Variants in CNTRL observed in about 807,000 individuals in gnomAD.
CNTRL encodes centriolin, also known as 110 kDa centrosomal protein.
CNTRL carries 233 observed loss-of-function variants against 303.7 expected under a neutral mutation model. The ratio of observed to expected loss-of-function variants is 0.77; its 90% CI spans 0.69 to 0.86. The LOEUF (loss-of-function observed/expected upper bound fraction) is 0.86, where lower values mean the gene tolerates loss of function less well. Ranked by LOEUF, CNTRL falls within the 40% of genes least tolerant of loss-of-function variation. The pLI, the probability that CNTRL is intolerant of heterozygous loss-of-function variation, is 0.00. For missense variants in CNTRL, 2,524 were observed against 2,650.6 expected, an observed-to-expected ratio of 0.95 and a Z score of 1.05; for synonymous variants, 900 against 922.2, an observed-to-expected ratio of 0.98 and a Z score of 0.44.
At chr9:121,095,588 C>T (rs142631799) in intron 5 of CNTRL, among the ~76,000 whole-genome samples, 21 of 152,206 alleles carry the variant, frequency 1.4e-4, no homozygotes, top group African/African-American at 4.8e-4. Context: ...TATCTGCATG[C>T]TTTTCCCCCA....
intron 1 of CNTRL, among the ~76,000 whole-genome samples, chr9:121,076,584 GA>G (rs1326402862): frequency 6.6e-6 from 1 of 152,088 alleles, no homozygotes; most frequent in Non-Finnish European, 1.5e-5. Context: ...GATGGATAGA[GA>G]AATGTTGAGT....
At chr9:121,082,233 C>T (rs907514635) in intron 2 of CNTRL, among the ~76,000 whole-genome samples, 8 of 152,164 alleles carry the variant, frequency 5.3e-5, no homozygotes, top group African/African-American at 1.9e-4. Context: ...AAGTGAGGTA[C>T]AGAAATAGCT....
At chr9:121,138,948 A>G (rs1390381655) in intron 16 of CNTRL, among the ~76,000 whole-genome samples, 1 of 152,222 alleles carries the variant, frequency 6.6e-6, no homozygotes, top group African/African-American at 2.4e-5. Flanking sequence ...GTGTAAACTC[A>G]TGGGCAAAAG....
At position 121,114,351 on chromosome 9, in the gene CNTRL, CA is replaced by C. The variant is rs1429656710; in HGVS notation, c.1345+628del. Among the ~76,000 whole-genome samples the C allele has an allele frequency of 3.9e-5, 6 of 152,308 alleles. No homozygotes were observed. In the East Asian group the frequency reaches 1.2e-3, roughly 29 times the overall value. ...TCTGACCAGGGTTTGTGCATCCCCC[CA>C]GCATTATGGCCCACTGTGGTGCTCT... On this transcript the variant is annotated intron_variant, in intron 10 of 43. Transcript: ENST00000373855.
Position 121,112,510 on chromosome 9 carries a change from C to G in CNTRL, c.1054C>G (p.Leu352Val). The G allele has an allele frequency of 1.2e-6, 2 of 1,612,556 alleles. No homozygotes were observed. Among genetic ancestry groups the G allele is most frequent in the Non-Finnish European group, 1.7e-6 (2 of 1,178,820 alleles). The change falls in exon 9 of 44, where the codon CTG becomes GTG. Residue 352 changes from leucine (L) to valine (V), a missense_variant. Physicochemically the swap from Leu to Val is conservative, Grantham distance 32 (BLOSUM62 1). Coordinates refer to ENST00000373855, the MANE Select transcript of CNTRL (RefSeq NM_007018.6). The part of the protein sequence containing the change: ...LTRACQKQYE[L>V]EQELAFYKID... Reference sequence around the variant, plus strand: ...ACGAGCATGTCAGAAGCAATATGAGCTGGAACAGGAATTGGCCTTTTATAA... The same window carrying G: ...ACGAGCATGTCAGAAGCAATATGAGGTGGAACAGGAATTGGCCTTTTATAA...
chr9:121,171,369 G>A (rs531852389), intron 39 of CNTRL, 39 bp from the exon 40 acceptor site: 2 of 1,612,280 alleles, frequency 1.2e-6, no homozygotes, highest in South Asian at 2.2e-5. Context: ...ACACCTCCAT[G>A]TGTTAGATCG....
In CNTRL at chr9:121,154,812, G is replaced by A; in HGVS notation, c.4264G>A (p.Glu1422Lys). 1 of 1,613,454 alleles carries A rather than the reference G, an allele frequency of 6.2e-7. No homozygotes were observed. The highest frequency in any genetic ancestry group is 2.2e-5 in the East Asian group (1 of 44,882). The part of the protein sequence containing the change: ...KHHEDIVDEI[E>K]CIEKTLLKRR... ...TCATGAAGATATTGTAGATGAAATT[G>A]AGTGCATTGAGAAGACTCTTCTGAA... Residue 1422 changes from glutamate to lysine, a missense_variant, in exon 27 of 44, where the codon GAG becomes AAG. Transcript: ENST00000373855.
At chr9:121,115,059 A>T (rs747425831) in intron 10 of CNTRL, 32 bp from the exon 11 acceptor site, 2 of 1,325,972 alleles carry the variant, frequency 1.5e-6, no homozygotes, top group East Asian at 4.8e-5. Context: ...TTCTTGTTTC[A>T]TATTATGTGA....
intron 26 of CNTRL, among the ~76,000 whole-genome samples, chr9:121,153,760 A>C (rs1588282938): frequency 6.6e-6 from 1 of 152,204 alleles, no homozygotes; most frequent in Non-Finnish European, 1.5e-5. Flanking sequence ...TTTAACCCAG[A>C]CTGGCCCAGA....
At chr9:121,088,585 C>A (rs1196598771) in intron 3 of CNTRL, 42 bp downstream of exon 3, 6 of 1,322,552 alleles carry the variant, frequency 4.5e-6, no homozygotes, top group Non-Finnish European at 6.4e-6. Context: ...CCACATACTT[C>A]AAGTAGAGAT....
chr9:121,114,945 T>C (rs2049910079), intron 10 of CNTRL, 146 bp from the exon 11 acceptor site: 1 of 531,632 alleles, frequency 1.9e-6, no homozygotes, highest in Non-Finnish European at 3.4e-6. Flanking sequence ...TCATAAGTAA[T>C]TACTTTAAAA....
chr9:121,141,589 G>A lies in CNTRL; in HGVS notation c.2691+1G>A, dbSNP rs1418228322. On this transcript the variant is annotated splice_donor_variant, in intron 18 of 43. Coordinates refer to ENST00000373855, the MANE Select transcript of CNTRL (RefSeq NM_007018.6). LOFTEE classifies it high-confidence loss of function. ...CTGTGAGAGAGCCCTGGAAGCAAGA[G>A]TAAGACAAGGGCAAGAGGCACCTGG... 2.5e-6 allele frequency: 4 copies of A among 1,613,634 alleles called. No individual in the cohort carries two copies. In the Admixed American group the frequency reaches 5.0e-5, roughly 20 times the overall value.
rs369218805 is a variant in CNTRL, at chr9:121,166,169, C to T, written c.5644C>T (p.Leu1882=). 1 of 1,610,540 alleles carries T rather than the reference C, an allele frequency of 6.2e-7. No individual in the cohort carries two copies. Among genetic ancestry groups the T allele is most frequent in the African/African-American group, 1.3e-5 (1 of 74,720 alleles). ...ELANVQDHLN[L]AKQDLLHTTK... is the part of the protein sequence containing the mutation. Reference sequence around the variant, plus strand: ...AGCTAATGTCCAAGACCATTTGAACCTAGCAAAACAGGTAAGGTTAACAAA... The same window carrying T: ...AGCTAATGTCCAAGACCATTTGAACTTAGCAAAACAGGTAAGGTTAACAAA... The change falls in exon 36 of 44, where the codon CTA becomes TTA. Residue 1882 remains leucine, a synonymous_variant. Transcript: ENST00000373855.
At position 121,175,233 on chromosome 9, in the gene CNTRL, C is replaced by CA. The variant is rs768811518; in HGVS notation, c.6954+10dup. On this transcript the variant is annotated intron_variant, in intron 43 of 43. Transcript: ENST00000373855. ...AACTTGGACAAAATCAGGTAAGCAG[C>CA]AGCTCTTTTTAAAAACAAAACAATA... is the stretch of plus-strand genomic sequence containing the variant. The CA allele has an allele frequency of 3.0e-5, 49 of 1,612,916 alleles. No individual in the cohort carries two copies. The highest frequency in any genetic ancestry group is 3.9e-5 in the Non-Finnish European group (46 of 1,179,118).
rs762568455 is a variant in CNTRL at position 121,148,729 on chromosome 9, G to A, written c.3517G>A (p.Ala1173Thr). The A allele has an allele frequency of 1.9e-6, 3 of 1,613,978 alleles. No individual in the cohort carries two copies. Among genetic ancestry groups the A allele is most frequent in the East Asian group, 2.2e-5 (1 of 44,890 alleles). Residue 1173 changes from alanine to threonine, a missense_variant, in exon 24 of 44, where the codon GCC becomes ACC. Physicochemically the swap from Ala to Thr is moderately conservative, Grantham distance 58 (BLOSUM62 0). Coordinates refer to ENST00000373855, the MANE Select transcript of CNTRL (RefSeq NM_007018.6). ...KDSGVGLKYS[A>T]STPVRKPRPG... ...CTCTGGTGTTGGCCTTAAGTACTCA[G>A]CCTCAACTCCTGTTAGAAAACCACG...
intron 27 of CNTRL, among the ~76,000 whole-genome samples, chr9:121,156,252 T>C (rs1415849537): frequency 6.6e-6 from 1 of 152,070 alleles, no homozygotes; most frequent in Non-Finnish European, 1.5e-5. Flanking sequence ...ATGGCAGTGG[T>C]AGTAGGCAGA....
intron 7 of CNTRL, among the ~76,000 whole-genome samples, chr9:121,105,122 T>A (rs1205004679): frequency 6.6e-6 from 1 of 152,150 alleles, no homozygotes; most frequent in Non-Finnish European, 1.5e-5. Context: ...AGCGTAGCAA[T>A]CTAGGCTGGA....
Position 121,177,290 on chromosome 9 carries a change from CTG to C in CNTRL, c.*105_*106del. On this transcript the variant is annotated 3_prime_UTR_variant, in exon 44 of 44. Coordinates refer to ENST00000373855, the MANE Select transcript of CNTRL (RefSeq NM_007018.6). ...GTTTTTTTAATCAAGATGCAGTGAA[CTG>C]AGATTCTGAAACTCCACTGTAGTTT... The C allele has an allele frequency of 8.4e-6, 8 of 956,690 alleles. No homozygotes were observed. Among genetic ancestry groups the C allele is most frequent in the Non-Finnish European group, 1.3e-5 (8 of 608,120 alleles). The allele number at this position is 956,690 out of a possible 1,614,324, so 59.3% of individuals were successfully genotyped here.
intron 1 of CNTRL, among the ~76,000 whole-genome samples, chr9:121,075,300 C>T (rs917241964): frequency 2.0e-5 from 3 of 150,484 alleles, no homozygotes; most frequent in Non-Finnish European, 4.4e-5. Context: ...GTGGGGACGG[C>T]GGGGGCGATT....
Sources: allele counts gnomAD v4.1 joint callset (sites outside exome capture counted in the v4.1 genomes callset), GRCh38; gene constraint gnomAD v4.1.1; transcripts MANE v1.5; gene names NCBI Gene and HGNC (gene_info 2026-07-23, HGNC 2026-07-21).